The following FRS2 variants were observed in gnomAD, a reference collection of about 807,000 sequenced individuals.
The protein encoded by FRS2 is FGFR signalling adaptor.
Under a neutral mutation model 43.9 loss-of-function variants are expected in FRS2, and 8 were observed. That is an observed-to-expected ratio of 0.18 (90% CI 0.11 to 0.33). FRS2 has a LOEUF of 0.33. Ranked by LOEUF, FRS2 falls within the 10% of genes least tolerant of loss-of-function variation. FRS2 has a pLI of 1.00. For missense variants in FRS2, 534 were observed against 627.6 expected (o/e 0.85, Z 1.59); for synonymous variants, 219 against 220.3 (o/e 0.99, Z 0.05).
chr12:69,544,562 C>T (rs1395984768), intron 3 of FRS2, among the ~76,000 whole-genome samples: 7 of 151,906 alleles, frequency 4.6e-5, no homozygotes, highest in Non-Finnish European at 1.5e-5. Flanking sequence ...TAAAAATTAG[C>T]TGGGCATAGT....
chr12:69,565,047 C>T (rs1413134079), intron 4 of FRS2, among the ~76,000 whole-genome samples: 1 of 152,200 alleles, frequency 6.6e-6, no homozygotes, highest in African/African-American at 2.4e-5. Context: ...GCGCAAACGT[C>T]ATAGAGTGTA....
intron 1 of FRS2, among the ~76,000 whole-genome samples, chr12:69,487,308 CTGACTCTCTACTTAGCCAA>C (rs1872044903): frequency 6.6e-6 from 1 of 152,224 alleles, no homozygotes; most frequent in Non-Finnish European, 1.5e-5. Context: ...AAAGGACAGG[CTGACTCTCTACTTAGCCAA>C]TGCAGCTGGT....
intron 3 of FRS2, among the ~76,000 whole-genome samples, chr12:69,542,252 C>T (rs971172112): frequency 2.6e-5 from 4 of 152,140 alleles, no homozygotes. Context: ...CAGGTTCAGC[C>T]TTATCAACTA....
chr12:69,537,884 A>G (rs1430651701), intron 3 of FRS2: 1 of 152,524 alleles, frequency 6.6e-6, no homozygotes, highest in Admixed American at 6.5e-5. Context: ...AAACTCATTT[A>G]AGAGCTGGCT....
chr12:69,518,402 ATT>A (rs34206585), intron 1 of FRS2, among the ~76,000 whole-genome samples: 24 of 150,478 alleles, frequency 1.6e-4, no homozygotes, highest in Admixed American at 2.0e-4. Flanking sequence ...ATAAAGGCAG[ATT>A]TTTTTTTTTT....
chr12:69,510,954 G>A (rs531977344), intron 1 of FRS2, among the ~76,000 whole-genome samples: 1 of 152,224 alleles, frequency 6.6e-6, no homozygotes, highest in East Asian at 1.9e-4. Context: ...AATTATCTTC[G>A]TGGACAGTGT....
chr12:69,471,088 T>G (rs1044985026), intron 1 of FRS2, among the ~76,000 whole-genome samples: 1 of 152,164 alleles, frequency 6.6e-6, no homozygotes, highest in African/African-American at 2.4e-5. Context: ...CGATTTGGAC[T>G]GGGCTCGGAA....
At chr12:69,494,396 T>C (rs2120985919) in intron 1 of FRS2, among the ~76,000 whole-genome samples, 1 of 152,336 alleles carries the variant, frequency 6.6e-6, no homozygotes, top group African/African-American at 2.4e-5. Flanking sequence ...AATCTTTCAG[T>C]ATAAGCATGA....
chr12:69,518,495 T>C (rs1875287501), intron 1 of FRS2, among the ~76,000 whole-genome samples: 1 of 150,292 alleles, frequency 6.7e-6, no homozygotes, highest in South Asian at 2.1e-4. Flanking sequence ...TTGCTTGAGC[T>C]CAGGAGTTTG....
intron 1 of FRS2, among the ~76,000 whole-genome samples, chr12:69,529,413 C>T (rs1309898003): frequency 6.6e-6 from 1 of 151,980 alleles, no homozygotes; most frequent in East Asian, 1.9e-4. Context: ...CACTTGAAGC[C>T]AGAAGTTTGA....
At chr12:69,524,663 A>G (rs1328485743) in intron 1 of FRS2, among the ~76,000 whole-genome samples, 1 of 151,962 alleles carries the variant, frequency 6.6e-6, no homozygotes, top group Non-Finnish European at 1.5e-5. Flanking sequence ...TAGGGCTAAA[A>G]TCTCCTATGG....
At chr12:69,485,965 G>A (rs10784783) in intron 1 of FRS2, among the ~76,000 whole-genome samples, 51,928 of 152,054 alleles carry the variant, frequency 0.34, 9,095 homozygotes, top group South Asian at 0.58. Context: ...TAACTAGAAT[G>A]TACATTCCTT....
intron 3 of FRS2, among the ~76,000 whole-genome samples, chr12:69,556,724 T>C (rs1029151093): frequency 1.3e-5 from 2 of 152,232 alleles, no homozygotes; most frequent in African/African-American, 4.8e-5. Context: ...TACGTGTCTT[T>C]TAGTGTTTTA....
At chr12:69,477,581 C>G (rs1870931802) in intron 1 of FRS2, among the ~76,000 whole-genome samples, 1 of 148,676 alleles carries the variant, frequency 6.7e-6, no homozygotes, top group South Asian at 2.2e-4. Flanking sequence ...CGCGCCCGGC[C>G]TAAAATACTC....
intron 1 of FRS2, among the ~76,000 whole-genome samples, chr12:69,525,060 C>T (rs1458641528): frequency 6.6e-6 from 1 of 152,118 alleles, no homozygotes; most frequent in Non-Finnish European, 1.5e-5. Flanking sequence ...CACGAGTCTT[C>T]CTGATGTCCC....
intron 4 of FRS2, among the ~76,000 whole-genome samples, chr12:69,563,771 G>T (rs2135784192): frequency 6.6e-6 from 1 of 152,252 alleles, no homozygotes; most frequent in South Asian, 2.1e-4. Flanking sequence ...CAAAGGAAAT[G>T]CAGGGTGATA....
At chr12:69,521,353 A>G (rs530895730) in intron 1 of FRS2, among the ~76,000 whole-genome samples, 86 of 152,164 alleles carry the variant, frequency 5.7e-4, no homozygotes, top group Non-Finnish European at 9.7e-4. Context: ...GCAAACAAGG[A>G]TAGTTTGACT....
At position 69,576,455 on chromosome 12, in the gene FRS2, AG is replaced by A. The variant is rs1313363454; in HGVS notation, c.*1501del. On this transcript the variant is annotated 3_prime_UTR_variant, in exon 9 of 9. Transcript: ENST00000549921. ...AAGATGTTCCAATTTCCTAAACACT[AG>A]AGAATACGAGAGAAGGTAGAGTGGA... The A allele has an allele frequency of 1.3e-5, 2 of 152,234 alleles. No individual in the cohort carries two copies. Among genetic ancestry groups the A allele is most frequent in the African/African-American group, 4.8e-5 (2 of 41,464 alleles). 9.4% of individuals were successfully genotyped at this position (152,234 alleles called of 1,614,324 possible). A position where few individuals can be genotyped will look rare whatever the true frequency, so the allele number is the denominator to read the frequency against.
chr12:69,561,064 G>A (rs1287458649), intron 3 of FRS2, among the ~76,000 whole-genome samples: 1 of 152,100 alleles, frequency 6.6e-6, no homozygotes, highest in Admixed American at 6.6e-5. Flanking sequence ...TAAAAGAGTC[G>A]GGCAAAGAGA....
Sources: gnomAD v4.1 joint callset for allele counts (sites outside exome capture counted in the v4.1 genomes callset) on GRCh38, gnomAD v4.1.1 for gene constraint, MANE v1.5 for transcripts, NCBI Gene and HGNC (gene_info 2026-07-23, HGNC 2026-07-21) for gene names.